ARFGEF1: variants seen among roughly 807,000 people sequenced by gnomAD.
ARFGEF1 encodes brefeldin A-inhibited guanine nucleotide-exchange protein 1.
A neutral mutation model predicts 231.0 loss-of-function variants in ARFGEF1; 42 were observed. That is an observed-to-expected ratio of 0.18 (90% CI 0.14 to 0.24). ARFGEF1 has a LOEUF of 0.24. ARFGEF1 is among the 10% of genes least tolerant of loss of function. The pLI is 1.00. For missense variants in ARFGEF1, 1,345 were observed against 2,192.0 expected (o/e 0.61, Z 7.72); for synonymous variants, 710 against 732.3 (o/e 0.97, Z 0.49).
chr8:67,186,526 G>C (rs907220670), intron 5 of ARFGEF1, among the ~76,000 whole-genome samples: 5 of 151,514 alleles, frequency 3.3e-5, no homozygotes, highest in African/African-American at 1.2e-4. Flanking sequence ...ACTTGGAATA[G>C]AGGGGGAACT....
At position 67,258,066 on chromosome 8, in the gene ARFGEF1, G is replaced by A; in HGVS notation, c.2441+19C>T. 2 of 1,588,454 alleles carry A rather than the reference G, an allele frequency of 1.3e-6. No individual in the cohort carries two copies. The highest frequency in any genetic ancestry group is 2.2e-5 in the East Asian group (1 of 44,686). ...TTTGGATATAACAGACAATCAATGA[G>A]CATTTGAACCTTATTTACCCTTGGT... On this transcript the variant is annotated intron_variant, in intron 16 of 38. Transcript: ENST00000262215.
chr8:67,310,907 C>A (rs932481083), intron 1 of ARFGEF1, among the ~76,000 whole-genome samples: 1 of 151,730 alleles, frequency 6.6e-6, no homozygotes, highest in Non-Finnish European at 1.5e-5. Context: ...CCGGCAGCCA[C>A]CCCATCTGGG....
intron 1 of ARFGEF1, among the ~76,000 whole-genome samples, chr8:67,317,420 G>C (rs1284732517): frequency 2.0e-5 from 3 of 151,996 alleles, no homozygotes; most frequent in Non-Finnish European, 4.4e-5. Flanking sequence ...CTCAACTCCA[G>C]AACCAAATTA....
chr8:67,292,185 T>A, intron 5 of ARFGEF1, 62 bp from the exon 6 acceptor site: 1 of 1,433,546 alleles, frequency 7.0e-7, no homozygotes, highest in Admixed American at 1.9e-5. Flanking sequence ...GGAAGGATAA[T>A]GTTACCTCCA....
chr8:67,193,815 G>C (rs904610191), downstream of ARFGEF1, among the ~76,000 whole-genome samples: 2 of 152,220 alleles, frequency 1.3e-5, no homozygotes, highest in Admixed American at 6.5e-5. Context: ...GCCCATTTTA[G>C]AGTGGAGTCT....
chr8:67,195,680 T>A, downstream of ARFGEF1: 1 of 1,073,216 alleles, frequency 9.3e-7, no homozygotes, highest in Non-Finnish European at 1.4e-6. Context: ...TTTTGGCCCC[T>A]ACCTGAAAGT....
Position 67,217,974 on chromosome 8 carries a change from T to C in ARFGEF1, c.4474+29A>G, listed in dbSNP as rs1451412950. 3 of 1,611,810 alleles carry C rather than the reference T, an allele frequency of 1.9e-6. No homozygotes were observed. In the South Asian group the frequency reaches 3.3e-5, roughly 18 times the overall value. On this transcript the variant is annotated intron_variant, in intron 31 of 38. Coordinates refer to ENST00000262215, the MANE Select transcript of ARFGEF1 (RefSeq NM_006421.5). ...ATATTACCAGGGTCACATTTAACACTTTGTGTCACATATCTGGTACAGACC... is the reference window on the plus strand; with the variant it reads ...ATATTACCAGGGTCACATTTAACACCTTGTGTCACATATCTGGTACAGACC...
At chr8:67,325,559 T>C (rs538395735) in intron 1 of ARFGEF1, among the ~76,000 whole-genome samples, 6 of 152,130 alleles carry the variant, frequency 3.9e-5, no homozygotes, top group Non-Finnish European at 8.8e-5. Context: ...CTCCCATCAT[T>C]TCAGTCAAGT....
At chr8:67,290,801 T>TA (rs1473692781) in intron 6 of ARFGEF1, among the ~76,000 whole-genome samples, 1 of 152,170 alleles carries the variant, frequency 6.6e-6, no homozygotes, top group African/African-American at 2.4e-5. Flanking sequence ...ATGGATTCAC[T>TA]ATTAGCTTCA....
chr8:67,282,451 T>C (rs1297734042), intron 7 of ARFGEF1, among the ~76,000 whole-genome samples: 1 of 152,174 alleles, frequency 6.6e-6, no homozygotes, highest in Non-Finnish European at 1.5e-5. Context: ...GTGTATTTTA[T>C]AATCTTAGGG....
intron 34 of ARFGEF1, among the ~76,000 whole-genome samples, chr8:67,208,540 G>C (rs934853875): frequency 6.9e-6 from 1 of 145,382 alleles, no homozygotes; most frequent in African/African-American, 2.6e-5. Flanking sequence ...TGAGGCAGGA[G>C]AATCGCTTGA....
At chr8:67,311,945 C>A (rs1214721091) in intron 1 of ARFGEF1, among the ~76,000 whole-genome samples, 2 of 152,094 alleles carry the variant, frequency 1.3e-5, no homozygotes, top group Admixed American at 6.6e-5. Flanking sequence ...TACCCCCAAC[C>A]CTGTGCTCTC....
At position 67,204,661 on chromosome 8, in the gene ARFGEF1, T is replaced by TGTCC. The variant is rs1411657435; in HGVS notation, c.4959+15_4959+18dup. On this transcript the variant is annotated intron_variant, in intron 35 of 38. Coordinates refer to ENST00000262215, the MANE Select transcript of ARFGEF1 (RefSeq NM_006421.5). ...TTCCTACTTACACAAAAAAAGCAGCTGTCCTCCTATCTCCTTACCTGTGCT... is the reference window on the plus strand; with the variant it reads ...TTCCTACTTACACAAAAAAAGCAGCTGTCCGTCCTCCTATCTCCTTACCTGTGCT... 6.3e-7 allele frequency: 1 copy of TGTCC among 1,598,970 alleles called. No homozygotes were observed. The highest frequency in any genetic ancestry group is 1.1e-5 in the South Asian group (1 of 89,034).
In ARFGEF1 at chr8:67,251,457, C is replaced by A. The variant is rs1287858663; in HGVS notation, c.2699-7G>T. On this transcript the variant is annotated splice_polypyrimidine_tract_variant and splice_region_variant and intron_variant, in intron 18 of 38. Coordinates refer to ENST00000262215, the MANE Select transcript of ARFGEF1 (RefSeq NM_006421.5). ...TGTTTTTCACTGGCTACATCTGAAA[C>A]AATAAACACTATCAGCATTTTAAAT... 6.3e-7 allele frequency: 1 copy of A among 1,584,594 alleles called. No individual in the cohort carries two copies. Among genetic ancestry groups the A allele is most frequent in the African/African-American group, 1.4e-5 (1 of 73,430 alleles).
At chr8:67,239,157 C>G (rs1839856104) in intron 20 of ARFGEF1, among the ~76,000 whole-genome samples, 1 of 152,066 alleles carries the variant, frequency 6.6e-6, no homozygotes. Flanking sequence ...CAGGCGCCCA[C>G]TACCATGCCA....
chr8:67,336,573 T>C lies in ARFGEF1; in HGVS notation c.124+6591A>G, dbSNP rs1587348637. The stretch of plus-strand genomic sequence containing the variant: ...TTGCCTCTTCCTACTTCTGGTGGCT[T>C]CTGGCATTCCATAGCATGTGGCAGC... On this transcript the variant is annotated intron_variant, in intron 1 of 38. Transcript: ENST00000262215. Among the ~76,000 whole-genome samples, 3 of 152,330 alleles carry C rather than the reference T, an allele frequency of 2.0e-5. No individual in the cohort carries two copies. In the East Asian group the frequency reaches 5.8e-4, roughly 29 times the overall value.
At chr8:67,227,085 A>G (rs1839399391) in intron 27 of ARFGEF1, 52 bp downstream of exon 27, 2 of 1,491,578 alleles carry the variant, frequency 1.3e-6, no homozygotes, top group Non-Finnish European at 1.8e-6. Flanking sequence ...GAACACGTTA[A>G]GGTTGCTTTT....
At chr8:67,332,827 T>C (rs1357411498) in intron 1 of ARFGEF1, among the ~76,000 whole-genome samples, 1 of 152,184 alleles carries the variant, frequency 6.6e-6, no homozygotes, top group African/African-American at 2.4e-5. Flanking sequence ...ATGTAGGCTC[T>C]AAGGTCATAT....
intron 22 of ARFGEF1, among the ~76,000 whole-genome samples, chr8:67,235,109 TAC>T (rs141050540): frequency 2.9e-3 from 430 of 147,184 alleles, no homozygotes; most frequent in African/African-American, 5.0e-3. Flanking sequence ...TGTATATATA[TAC>T]ACACACACAC....
Sources: gnomAD v4.1 joint callset for allele counts (sites outside exome capture counted in the v4.1 genomes callset) on GRCh38, gnomAD v4.1.1 for gene constraint, MANE v1.5 for transcripts, NCBI Gene and HGNC (gene_info 2026-07-23, HGNC 2026-07-21) for gene names.